The following IGDCC3 variants were observed in gnomAD, a reference collection of about 807,000 sequenced individuals.
IGDCC3 encodes immunoglobulin superfamily DCC subclass member 3.
In IGDCC3, 47 loss-of-function variants were observed where a neutral mutation model predicts 72.0. The observed-to-expected ratio is 0.65, with a 90% CI of 0.52 to 0.83. The LOEUF (loss-of-function observed/expected upper bound fraction) is 0.83, where lower values mean the gene tolerates loss of function less well. IGDCC3 is among the 40% of genes least tolerant of loss of function. The pLI, the probability that IGDCC3 is intolerant of heterozygous loss-of-function variation, is 0.00. For missense variants in IGDCC3, 1,038 were observed against 1,091.3 expected (o/e 0.95, Z 0.69); for synonymous variants, 477 against 472.8 (o/e 1.01, Z -0.11).
chr15:65,367,346 C>CAAAAAAAA (rs10609381), intron 2 of IGDCC3, among the ~76,000 whole-genome samples: 1 of 74,434 alleles, frequency 1.3e-5, no homozygotes, highest in African/African-American at 4.5e-5. Flanking sequence ...GACTTTGTCT[C>CAAAAAAAA]AAAAAAAAAA....
In IGDCC3 at chr15:65,330,414, C is replaced by T. The variant is rs369514949; in HGVS notation, c.1754-17G>A. 432 of 1,602,204 alleles carry T rather than the reference C, an allele frequency of 2.7e-4. No individual in the cohort carries two copies. In the African/African-American group the frequency reaches 4.4e-3, roughly 16 times the overall value. ...CAGTGGGGTCTGGAGGAAGGCAGGG[C>T]GGATGAGCAACTGCCCCTGCCCAAC... is the stretch of plus-strand genomic sequence containing the variant. On this transcript the variant is annotated splice_polypyrimidine_tract_variant and intron_variant, in intron 10 of 13. Transcript: ENST00000327987.
chr15:65,374,639 A>T (rs1393343563), intron 2 of IGDCC3, among the ~76,000 whole-genome samples: 1 of 152,214 alleles, frequency 6.6e-6, no homozygotes, highest in African/African-American at 2.4e-5. Flanking sequence ...TAGAGGTCTT[A>T]TCCTACCCAA....
At chr15:65,337,166 G>A (rs2091037293) in intron 2 of IGDCC3, among the ~76,000 whole-genome samples, 1 of 152,202 alleles carries the variant, frequency 6.6e-6, no homozygotes, top group African/African-American at 2.4e-5. Context: ...CCCAAAAGGC[G>A]AGCCTTTGTG....
intron 2 of IGDCC3, among the ~76,000 whole-genome samples, chr15:65,341,474 G>A (rs755083806): frequency 1.3e-5 from 2 of 152,192 alleles, no homozygotes; most frequent in Non-Finnish European, 1.5e-5. Context: ...AAAGAAACTT[G>A]TGTCTATTGA....
At chr15:65,376,205 G>A (rs2091357879) in intron 1 of IGDCC3, among the ~76,000 whole-genome samples, 1 of 152,196 alleles carries the variant, frequency 6.6e-6, no homozygotes, top group Admixed American at 6.5e-5. Context: ...GGAAGAGGGT[G>A]CTCCTAGAAC....
intron 2 of IGDCC3, among the ~76,000 whole-genome samples, chr15:65,340,030 C>T (rs1387551636): frequency 1.3e-5 from 2 of 152,166 alleles, no homozygotes; most frequent in South Asian, 2.1e-4. Flanking sequence ...CTCCCAGCAC[C>T]GCCCTGCCCC....
chr15:65,365,546 G>T (rs1194648683), intron 2 of IGDCC3, among the ~76,000 whole-genome samples: 1 of 152,122 alleles, frequency 6.6e-6, no homozygotes, highest in African/African-American at 2.4e-5. Flanking sequence ...CCCAACCAGG[G>T]TTGGGCCCAG....
chr15:65,328,042 GGCT>G lies in IGDCC3; in HGVS notation c.*864_*866del, dbSNP rs926028140. On this transcript the variant is annotated 3_prime_UTR_variant, in exon 14 of 14. Transcript: ENST00000327987. ...AAGGAACAAATTTCCTCTCATTTTT[GGCT>G]GCTTTCACATTTTTTCTCTGCCCAA... 2.0e-5 allele frequency: 3 copies of G among 152,608 alleles called. No individual in the cohort carries two copies. Among genetic ancestry groups the G allele is most frequent in the Admixed American group, 1.3e-4 (2 of 15,278 alleles). The allele number at this position is 152,608 out of a possible 1,614,324, so 9.5% of individuals were successfully genotyped here.
chr15:65,334,028 C>A (rs1425071757), intron 5 of IGDCC3, among the ~76,000 whole-genome samples: 1 of 142,754 alleles, frequency 7.0e-6, no homozygotes, highest in Non-Finnish European at 1.5e-5. Flanking sequence ...AGTCAGAATA[C>A]AAGGAGACAG....
chr15:65,331,303 G>C (rs1024280254), intron 8 of IGDCC3, 89 bp from the exon 9 acceptor site: 3 of 1,565,086 alleles, frequency 1.9e-6, no homozygotes, highest in Non-Finnish European at 2.6e-6. Flanking sequence ...GGGTGCCCGG[G>C]GGGACAGCGG....
At chr15:65,366,740 T>A (rs1319742251) in intron 2 of IGDCC3, among the ~76,000 whole-genome samples, 1 of 152,198 alleles carries the variant, frequency 6.6e-6, no homozygotes, top group Non-Finnish European at 1.5e-5. Context: ...CCCTGCAGTC[T>A]GGGGGTCTGC....
At chr15:65,342,851 T>G (rs1425725300) in intron 2 of IGDCC3, among the ~76,000 whole-genome samples, 4 of 150,002 alleles carry the variant, frequency 2.7e-5, no homozygotes, top group Admixed American at 6.6e-5. Context: ...GCTTTTGTGT[T>G]TGTTTGTTTT....
intron 4 of IGDCC3, 74 bp from the exon 5 acceptor site, chr15:65,334,939 G>A: frequency 6.7e-7 from 1 of 1,492,394 alleles, no homozygotes; most frequent in Non-Finnish European, 9.0e-7. Context: ...CACAGCCCAG[G>A]ACACAGCGGG....
intron 6 of IGDCC3, 67 bp downstream of exon 6, chr15:65,333,190 C>T: frequency 6.9e-7 from 1 of 1,453,842 alleles, no homozygotes; most frequent in Non-Finnish European, 9.2e-7. Context: ...TGGGGTTGGG[C>T]CTGGGCTGGG....
At chr15:65,367,915 A>T (rs1307335120) in intron 2 of IGDCC3, among the ~76,000 whole-genome samples, 3 of 151,516 alleles carry the variant, frequency 2.0e-5, no homozygotes, top group Non-Finnish European at 4.4e-5. Flanking sequence ...ACACACACAC[A>T]CTCACTCACT....
intron 2 of IGDCC3, among the ~76,000 whole-genome samples, chr15:65,366,051 T>C (rs1457280898): frequency 1.3e-5 from 2 of 151,782 alleles, no homozygotes; most frequent in South Asian, 2.1e-4. Context: ...CCACTAAAAA[T>C]ACAAAAATTG....
chr15:65,338,873 A>G (rs58775945), intron 2 of IGDCC3, among the ~76,000 whole-genome samples: 2,587 of 151,486 alleles, frequency 0.017, 61 homozygotes, highest in African/African-American at 0.054. Flanking sequence ...AATCTTCCAC[A>G]CACATCTGGT....
At chr15:65,370,521 TA>T (rs2091316721) in intron 2 of IGDCC3, among the ~76,000 whole-genome samples, 1 of 136,832 alleles carries the variant, frequency 7.3e-6, no homozygotes, top group African/African-American at 2.7e-5. Flanking sequence ...AAAAAATATA[TA>T]TATATATATA....
At position 65,329,134 on chromosome 15, in the gene IGDCC3, G is replaced by A. The variant is rs1555429983; in HGVS notation, c.2220C>T (p.Ala740=). 1 of 1,608,522 alleles carries A rather than the reference G, an allele frequency of 6.2e-7. No homozygotes were observed. The highest frequency in any genetic ancestry group is 8.5e-7 in the Non-Finnish European group (1 of 1,178,214). The change falls in exon 14 of 14, where the codon GCC becomes GCT. Residue 740 remains alanine (A), a synonymous_variant. Transcript: ENST00000327987. The surrounding 1 kb of genome is among the most constrained non-coding windows in gnomAD (Gnocchi z 4.1). ...PDPRPTQDPA[A]PAPCEETQLS... is the part of the protein sequence containing the mutation. The stretch of plus-strand genomic sequence containing the variant: ...GCTGGGTCTCCTCACACGGAGCGGG[G>A]GCTGCAGGATCCTGCTGGGGAAAGA...
Sources: allele counts gnomAD v4.1 joint callset (sites outside exome capture counted in the v4.1 genomes callset), GRCh38; gene constraint gnomAD v4.1.1; non-coding constraint Gnocchi (gnomAD v3.1); transcripts MANE v1.5; gene names NCBI Gene and HGNC (gene_info 2026-07-23, HGNC 2026-07-21).